The following DDX42 variants were observed in gnomAD, a reference collection of about 807,000 sequenced individuals.
The protein encoded by DDX42 is DEAD-box helicase 42.
In DDX42, 22 loss-of-function variants were observed where a neutral mutation model predicts 101.5. That is an observed-to-expected ratio of 0.22 (90% CI 0.15 to 0.31). The LOEUF (loss-of-function observed/expected upper bound fraction) is 0.31, where lower values mean the gene tolerates loss of function less well. Ranked by LOEUF, DDX42 falls within the 10% of genes least tolerant of loss-of-function variation. The pLI is 1.00. For missense variants in DDX42, 849 were observed against 1,199.9 expected (o/e 0.71, Z 4.32); for synonymous variants, 402 against 401.2 (o/e 1.00, Z -0.02).
At position 63,818,149 on chromosome 17, in the gene DDX42, C is replaced by T. The variant is rs751231895; in HGVS notation, c.2568C>T (p.Gly856=). ...AAAGCAGCAGCCGTCATACTGATGG[C>T]CATCGGCACGGGGAGAACAGACATG... ...HPESSSRHTD[G]HRHGENRHGG... Residue 856 remains glycine, a synonymous_variant, in exon 18 of 18, where the codon GGC becomes GGT. Coordinates refer to ENST00000389924, the MANE Select transcript of DDX42 (RefSeq NM_203499.3). The T allele has an allele frequency of 1.2e-5, 20 of 1,614,000 alleles. No homozygotes were observed. The South Asian group carries it at 2.2e-4, about 18-fold the overall frequency.
At chr17:63,801,538 A>AT (rs1335283884) in intron 6 of DDX42, among the ~76,000 whole-genome samples, 2 of 148,770 alleles carry the variant, frequency 1.3e-5, no homozygotes, top group African/African-American at 2.5e-5. Context: ...TTTTTTGTTT[A>AT]TTTTTTTTCC....
chr17:63,803,567 C>CAAA (rs1165590235), intron 6 of DDX42, among the ~76,000 whole-genome samples: 1 of 44,242 alleles, frequency 2.3e-5, no homozygotes, highest in Non-Finnish European at 4.8e-5. Context: ...GACTCCATCT[C>CAAA]AAAAAAAAAA....
At chr17:63,784,479 AGTT>A (rs1399014672) in intron 1 of DDX42, among the ~76,000 whole-genome samples, 1 of 152,216 alleles carries the variant, frequency 6.6e-6, no homozygotes, top group Non-Finnish European at 1.5e-5. Context: ...TGTAAGTAGT[AGTT>A]AAAATTTTTA....
chr17:63,809,800 A>G (rs943200291), intron 11 of DDX42, 141 bp downstream of exon 11: 3 of 634,782 alleles, frequency 4.7e-6, no homozygotes, highest in Admixed American at 3.0e-5. Flanking sequence ...TATAGCTAAG[A>G]TGAACATTTT....
intron 13 of DDX42, chr17:63,811,640 G>C: frequency 1.9e-6 from 1 of 518,220 alleles, no homozygotes; most frequent in East Asian, 3.3e-5. Flanking sequence ...ATTGGGACTT[G>C]GAATTCAGTT....
chr17:63,800,984 CCTTT>C (rs1342029001), intron 6 of DDX42, among the ~76,000 whole-genome samples: 1 of 72,382 alleles, frequency 1.4e-5, no homozygotes, highest in Non-Finnish European at 2.4e-5. Flanking sequence ...TTTCTTTCTC[CCTTT>C]CTCTTTCCTT....
chr17:63,802,736 C>T (rs1007387036), intron 6 of DDX42, among the ~76,000 whole-genome samples: 1 of 151,842 alleles, frequency 6.6e-6, no homozygotes, highest in Admixed American at 6.6e-5. Context: ...CATGGAGAAA[C>T]CCCATCTCTA....
intron 11 of DDX42, 71 bp downstream of exon 11, chr17:63,809,730 A>G: frequency 7.7e-7 from 1 of 1,304,310 alleles, no homozygotes; most frequent in Non-Finnish European, 1.1e-6. Flanking sequence ...GTCTTTCTAG[A>G]CTGTTTTTTC....
At position 63,818,460 on chromosome 17, in the gene DDX42, G is replaced by T; in HGVS notation, c.*62G>T. The T allele has an allele frequency of 1.3e-6, 2 of 1,497,504 alleles. No individual in the cohort carries two copies. Among genetic ancestry groups the T allele is most frequent in the Middle Eastern group, 2.3e-4 (1 of 4,266 alleles). The allele number at this position is 1,497,504 out of a possible 1,614,324, so 92.8% of individuals were successfully genotyped here. Reference sequence around the variant, plus strand: ...ATTTTTAGAAAGATTTTGGTAACTAGGTGTCTCAGGGCTGGGTTGGGGTCC... The same window carrying T: ...ATTTTTAGAAAGATTTTGGTAACTATGTGTCTCAGGGCTGGGTTGGGGTCC... On this transcript the variant is annotated 3_prime_UTR_variant, in exon 18 of 18. Coordinates refer to ENST00000389924, the MANE Select transcript of DDX42 (RefSeq NM_203499.3).
chr17:63,818,270 G>C lies in DDX42; in HGVS notation c.2689G>C (p.Glu897Gln), dbSNP rs777822625. The change falls in exon 18 of 18, where the codon GAG becomes CAG. Residue 897 changes from glutamate (E) to glutamine (Q), a missense_variant. Physicochemically the swap from Glu to Gln is conservative, Grantham distance 29. This residue lies in a region of DDX42 where 300 missense variants were observed against 304.9 expected (regional missense o/e 0.98). Transcript: ENST00000389924. ...KEAFNRESKM[E>Q]PKMEPKVDSS... The stretch of plus-strand genomic sequence containing the variant: ...AGCTTTTAATCGTGAGAGCAAGATG[G>C]AGCCCAAGATGGAACCCAAAGTGGA... 6.2e-7 allele frequency: 1 copy of C among 1,614,100 alleles called. No individual in the cohort carries two copies. Among genetic ancestry groups the C allele is most frequent in the Non-Finnish European group, 8.5e-7 (1 of 1,179,998 alleles).
chr17:63,811,178 C>T lies in DDX42; in HGVS notation c.1398+5C>T, dbSNP rs1323682370. ...GTGCAGGGAGATATTGGAGAGGTAA[C>T]CCTAAGCAGGGCTGGATGGGACCTT... On this transcript the variant is annotated splice_donor_5th_base_variant and intron_variant, in intron 13 of 17. Coordinates refer to ENST00000389924, the MANE Select transcript of DDX42 (RefSeq NM_203499.3). The T allele has an allele frequency of 5.6e-6, 9 of 1,610,098 alleles. No individual in the cohort carries two copies. The highest frequency in any genetic ancestry group is 7.6e-6 in the Non-Finnish European group (9 of 1,177,364).
chr17:63,782,179 G>A (rs946327264), intron 1 of DDX42, among the ~76,000 whole-genome samples: 1 of 152,174 alleles, frequency 6.6e-6, no homozygotes, highest in Non-Finnish European at 1.5e-5. Context: ...TCGGGAGGCT[G>A]AGGCAGGAGA....
chr17:63,818,173 TGGA>T lies in DDX42; in HGVS notation c.2596_2598del (p.Gly866del). ...GCCATCGGCACGGGGAGAACAGACATGGAGGAAGCGCAGGCCGGCATGGGGAGA... is the reference window on the plus strand; with the variant it reads ...GCCATCGGCACGGGGAGAACAGACATGGAAGCGCAGGCCGGCATGGGGAGA... On this transcript the variant is annotated inframe_deletion, in exon 18 of 18. Coordinates refer to ENST00000389924, the MANE Select transcript of DDX42 (RefSeq NM_203499.3). The T allele has an allele frequency of 1.2e-6, 2 of 1,612,908 alleles. No homozygotes were observed. The highest frequency in any genetic ancestry group is 1.7e-6 in the Non-Finnish European group (2 of 1,179,828).
intron 1 of DDX42, among the ~76,000 whole-genome samples, chr17:63,782,601 A>G (rs146172993): frequency 6.6e-6 from 1 of 152,234 alleles, no homozygotes; most frequent in East Asian, 1.9e-4. Flanking sequence ...CACACCAATT[A>G]CTGGTCACAC....
In DDX42 at chr17:63,809,253, A is replaced by G. The variant is rs141605137; in HGVS notation, c.1152+305A>G. On this transcript the variant is annotated intron_variant, in intron 10 of 17. Transcript: ENST00000389924. ...GATACATATGGTCAGAATAGCCTAG[A>G]AGAGTGTAGTTTAAACATTGAAACC... Among the ~76,000 whole-genome samples, 470 of 152,372 alleles carry G rather than the reference A, an allele frequency of 3.1e-3. 6 individuals are homozygous for G. The highest frequency in any genetic ancestry group is 0.011 in the African/African-American group (458 of 41,598).
chr17:63,783,890 C>T (rs577031970), intron 1 of DDX42, among the ~76,000 whole-genome samples: 1 of 152,108 alleles, frequency 6.6e-6, no homozygotes, highest in East Asian at 1.9e-4. Context: ...TAACGAAACC[C>T]CATCTCTACT....
chr17:63,819,131 T>C lies in DDX42; in HGVS notation c.*733T>C, dbSNP rs760495261. ...AGCTTTTAAAGTGTCTTCTATCTCA[T>C]TGTATTTTTTTTAACTTGCCCCAAT... is the stretch of plus-strand genomic sequence containing the variant. On this transcript the variant is annotated 3_prime_UTR_variant, in exon 18 of 18. Coordinates refer to ENST00000389924, the MANE Select transcript of DDX42 (RefSeq NM_203499.3). 6.6e-6 allele frequency: 1 copy of C among 152,552 alleles called. No homozygotes were observed. The highest frequency in any genetic ancestry group is 1.9e-4 in the East Asian group (1 of 5,200). The allele number at this position is 152,552 out of a possible 1,614,324, so 9.4% of individuals were successfully genotyped here. A position where few individuals can be genotyped will look rare whatever the true frequency, so the allele number is the denominator to read the frequency against.
chr17:63,802,403 C>T (rs2039782139), intron 6 of DDX42, among the ~76,000 whole-genome samples: 1 of 152,178 alleles, frequency 6.6e-6, no homozygotes, highest in African/African-American at 2.4e-5. Flanking sequence ...TCATAGAACA[C>T]CACTTTCACT....
chr17:63,779,153 C>A (rs1324288613), intron 1 of DDX42, among the ~76,000 whole-genome samples: 1 of 152,008 alleles, frequency 6.6e-6, no homozygotes, highest in Admixed American at 6.6e-5. Context: ...CAAAAGGGTT[C>A]TTTTTTAAAT....
Sources: gnomAD v4.1 joint callset for allele counts (sites outside exome capture counted in the v4.1 genomes callset) on GRCh38, gnomAD v4.1.1 for gene constraint, gnomAD v4.1.1 regional missense constraint, MANE v1.5 for transcripts, NCBI Gene and HGNC (gene_info 2026-07-23, HGNC 2026-07-21) for gene names.